LRRTM4: variants seen among roughly 807,000 people sequenced by gnomAD.
LRRTM4 encodes leucine-rich repeat transmembrane neuronal protein 4.
In LRRTM4, 25 loss-of-function variants were observed where a neutral mutation model predicts 47.6. The ratio of observed to expected loss-of-function variants is 0.53; its 90% CI spans 0.38 to 0.73. LRRTM4 has a LOEUF of 0.73. Ranked by LOEUF, LRRTM4 falls within the 30% of genes least tolerant of loss-of-function variation. LRRTM4 has a pLI of 0.00. For missense variants in LRRTM4, 638 were observed against 713.4 expected, an observed-to-expected ratio of 0.89 and a Z score of 1.20; for synonymous variants, 311 against 269.5, an observed-to-expected ratio of 1.15 and a Z score of -1.51.
intron 3 of LRRTM4, among the ~76,000 whole-genome samples, chr2:76,956,206 A>T (rs2103899554): frequency 6.6e-6 from 1 of 151,916 alleles, no homozygotes; most frequent in African/African-American, 2.4e-5. Context: ...TCATAAAGCA[A>T]GGTTTAACAA....
chr2:76,827,453 A>G (rs1671220121), intron 3 of LRRTM4, among the ~76,000 whole-genome samples: 5 of 151,846 alleles, frequency 3.3e-5, no homozygotes, highest in Admixed American at 2.6e-4. Context: ...CCAAAGCACA[A>G]CATGCTACAC....
intron 3 of LRRTM4, among the ~76,000 whole-genome samples, chr2:77,069,186 C>A (rs577979843): frequency 6.6e-6 from 1 of 152,124 alleles, no homozygotes; most frequent in Non-Finnish European, 1.5e-5. Context: ...GTGTGTGTGT[C>A]TTTAATTTCT....
chr2:76,850,371 G>A (rs1320130480), intron 3 of LRRTM4, among the ~76,000 whole-genome samples: 1 of 152,150 alleles, frequency 6.6e-6, no homozygotes, highest in South Asian at 2.1e-4. Flanking sequence ...CAGAACCTGG[G>A]AGTGTGGGAA....
intron 3 of LRRTM4, among the ~76,000 whole-genome samples, chr2:77,102,377 G>A (rs1670977951): frequency 6.6e-6 from 1 of 152,014 alleles, no homozygotes; most frequent in African/African-American, 2.4e-5. Flanking sequence ...TTCCCACTTC[G>A]GCTGCTTCCT....
At position 76,748,405 on chromosome 2, in the gene LRRTM4, T is replaced by C; in HGVS notation, c.*290A>G. 2.6e-6 allele frequency: 1 copy of C among 392,110 alleles called. No individual in the cohort carries two copies. The highest frequency in any genetic ancestry group is 4.3e-5 in the Admixed American group (1 of 23,262). 24.3% of individuals were successfully genotyped at this position (392,110 alleles called of 1,614,324 possible). ...AAACCTATATGTAGCTAGGGTGAAA[T>C]CTATTTTTATAAGAACTTGACACTC... On this transcript the variant is annotated 3_prime_UTR_variant, in exon 4 of 4. Transcript: ENST00000409884.
At chr2:76,853,544 T>C (rs192332735) in intron 3 of LRRTM4, among the ~76,000 whole-genome samples, 33 of 152,014 alleles carry the variant, frequency 2.2e-4, no homozygotes, top group South Asian at 1.5e-3. Context: ...TGTGGAAGAA[T>C]TGTCAAGAAA....
At chr2:76,920,194 G>A (rs1674388800) in intron 3 of LRRTM4, among the ~76,000 whole-genome samples, 1 of 152,070 alleles carries the variant, frequency 6.6e-6, no homozygotes, top group Non-Finnish European at 1.5e-5. Flanking sequence ...AATGGAAATA[G>A]TTAATTTGTA....
intron 3 of LRRTM4, among the ~76,000 whole-genome samples, chr2:77,256,593 G>A (rs1675775022): frequency 6.6e-6 from 1 of 152,074 alleles, no homozygotes; most frequent in Admixed American, 6.6e-5. Context: ...CCCTACACAA[G>A]CTCTCAACTG....
chr2:77,514,858 T>C (rs912573967), intron 3 of LRRTM4, among the ~76,000 whole-genome samples: 3 of 151,992 alleles, frequency 2.0e-5, no homozygotes, highest in African/African-American at 7.2e-5. Context: ...ACTTTGTTCT[T>C]TACAATTTCG....
At chr2:77,027,106 C>G (rs1288722928) in intron 3 of LRRTM4, among the ~76,000 whole-genome samples, 1 of 152,066 alleles carries the variant, frequency 6.6e-6, no homozygotes, top group Non-Finnish European at 1.5e-5. Flanking sequence ...TCCCCAATGC[C>G]CCTCTTTCCT....
In LRRTM4 at chr2:77,037,863, C is replaced by T. The variant is rs192695508; in HGVS notation, c.1552-288947G>A. Among the ~76,000 whole-genome samples the T allele has an allele frequency of 1.6e-4, 24 of 151,776 alleles. No homozygotes were observed. The East Asian group carries it at 4.6e-3, about 29-fold the overall frequency. On this transcript the variant is annotated intron_variant, in intron 3 of 3. Coordinates refer to ENST00000409884, the MANE Select transcript of LRRTM4 (RefSeq NM_001134745.3). ...AATTTAAATTGGTTTCATATTAATG[C>T]ACTTGGTAGGAAGTACACATTTATC...
In LRRTM4 at chr2:76,749,346, G is replaced by A. The variant is rs373452032; in HGVS notation, c.1552-430C>T. ...TAATTAAGGTGCAAAAGAATGTATG[G>A]TATGATCTGTTTTGTGTAAATAAAT... On this transcript the variant is annotated intron_variant, in intron 3 of 3. Coordinates refer to ENST00000409884, the MANE Select transcript of LRRTM4 (RefSeq NM_001134745.3). Among the ~76,000 whole-genome samples, 26 of 152,158 alleles carry A rather than the reference G, an allele frequency of 1.7e-4. No individual in the cohort carries two copies. In the South Asian group the frequency reaches 4.8e-3, roughly 28 times the overall value.
chr2:77,438,060 G>A (rs1675673347), intron 3 of LRRTM4, among the ~76,000 whole-genome samples: 1 of 152,056 alleles, frequency 6.6e-6, no homozygotes, highest in South Asian at 2.1e-4. Flanking sequence ...CTATGTTACA[G>A]AATTGTAGTG....
At chr2:76,995,307 G>A (rs1438110086) in intron 3 of LRRTM4, among the ~76,000 whole-genome samples, 1 of 152,048 alleles carries the variant, frequency 6.6e-6, no homozygotes, top group Non-Finnish European at 1.5e-5. Flanking sequence ...ATGTTCAAGA[G>A]AAATATGGAT....
chr2:76,888,614 T>C (rs890707856), intron 3 of LRRTM4, among the ~76,000 whole-genome samples: 3 of 151,834 alleles, frequency 2.0e-5, no homozygotes, highest in African/African-American at 7.2e-5. Flanking sequence ...ACCTTATCAA[T>C]GAGAATTACC....
At chr2:76,950,809 C>T (rs1449999231) in intron 3 of LRRTM4, among the ~76,000 whole-genome samples, 2 of 151,812 alleles carry the variant, frequency 1.3e-5, no homozygotes, top group East Asian at 1.9e-4. Context: ...AGGGTTCAGC[C>T]ATATTAAGAC....
chr2:76,803,543 C>T (rs1675811607), intron 3 of LRRTM4, among the ~76,000 whole-genome samples: 1 of 152,094 alleles, frequency 6.6e-6, no homozygotes, highest in African/African-American at 2.4e-5. Context: ...ATAGAGGTTT[C>T]TCAAAAAATT....
At chr2:77,104,806 C>T (rs1226431209) in intron 3 of LRRTM4, among the ~76,000 whole-genome samples, 1 of 152,122 alleles carries the variant, frequency 6.6e-6, no homozygotes, top group African/African-American at 2.4e-5. Flanking sequence ...AAGTTTCAAC[C>T]ACTCATTGTT....
intron 3 of LRRTM4, among the ~76,000 whole-genome samples, chr2:77,138,065 A>G (rs1384283992): frequency 6.6e-6 from 1 of 152,162 alleles, no homozygotes; most frequent in Non-Finnish European, 1.5e-5. Flanking sequence ...AGACAGATCA[A>G]TGAGACAGAA....
Sources: allele counts gnomAD v4.1 joint callset (sites outside exome capture counted in the v4.1 genomes callset), GRCh38; gene constraint gnomAD v4.1.1; transcripts MANE v1.5; gene names NCBI Gene and HGNC (gene_info 2026-07-23, HGNC 2026-07-21).